TNC: variants seen among roughly 807,000 people sequenced by gnomAD.
TNC encodes the protein tenascin.
In TNC, 109 loss-of-function variants were observed where a neutral mutation model predicts 202.4. The observed-to-expected ratio is 0.54, with a 90% CI of 0.46 to 0.63. TNC has a LOEUF of 0.63. Ranked by LOEUF, TNC falls within the 30% of genes least tolerant of loss-of-function variation. The pLI, the probability that TNC is intolerant of heterozygous loss-of-function variation, is 0.00. For synonymous variants in TNC, 1,007 were observed against 1,089.7 expected (o/e 0.92, Z 1.50); for missense variants, 2,756 against 2,833.3 (o/e 0.97, Z 0.62).
In TNC at chr9:115,086,395, G is replaced by A. The variant is rs771736820; in HGVS notation, c.1336C>T (p.Arg446Trp). 1.2e-5 allele frequency: 19 copies of A among 1,613,874 alleles called. No homozygotes were observed. In the Middle Eastern group the frequency reaches 6.6e-4, roughly 56 times the overall value. ...QLRCPNDCHS[R>W]GRCVEGKCVC... ...CATTTGCCCTCGACACAGCGGCCCC[G>A]ACTGTGACAGTCATTGGGGCACCGT... is the stretch of plus-strand genomic sequence containing the variant. Residue 446 changes from arginine to tryptophan, a missense_variant, in exon 3 of 28, where the codon CGG becomes TGG. Physicochemically the swap from Arg to Trp is moderately radical, Grantham distance 101. This residue lies in a region of TNC where 2,559 missense variants were observed against 2,546.0 expected (regional missense o/e 1.01). Transcript: ENST00000350763.
At chr9:115,047,273 AT>A (rs1415420074) in intron 16 of TNC, among the ~76,000 whole-genome samples, 3 of 45,058 alleles carry the variant, frequency 6.7e-5, no homozygotes, top group Non-Finnish European at 9.9e-5. Context: ...CTTTCTTGTT[AT>A]TTTATTAACT....
At position 115,090,745 on chromosome 9, in the gene TNC, C is replaced by A. The variant is rs750789353; in HGVS notation, c.274G>T (p.Val92Leu). The change falls in exon 2 of 28, where the codon GTG becomes TTG. Residue 92 changes from valine to leucine, a missense_variant. By Grantham distance (32) the Val-to-Leu change is conservative. Coordinates refer to ENST00000350763, the MANE Select transcript of TNC (RefSeq NM_002160.4). ...EPSESFQEHTVDGENQIVFTH... is the reference protein window; with the variant it reads ...EPSESFQEHTLDGENQIVFTH... ...AAGACAATCTGGTTTTCCCCATCCA[C>A]TGTGTGCTCCTGAAAGCTTTCGCTG... 1 of 1,614,244 alleles carries A rather than the reference C, an allele frequency of 6.2e-7. No individual in the cohort carries two copies. Among genetic ancestry groups the A allele is most frequent in the Non-Finnish European group, 8.5e-7 (1 of 1,180,044 alleles).
intron 15 of TNC, among the ~76,000 whole-genome samples, chr9:115,052,139 A>G (rs1831732068): frequency 6.6e-6 from 1 of 151,278 alleles, no homozygotes; most frequent in Non-Finnish European, 1.5e-5. Context: ...AAAAAAGAGG[A>G]AAATTCTGTC....
intron 1 of TNC, among the ~76,000 whole-genome samples, chr9:115,099,686 C>G (rs540915276): frequency 2.6e-5 from 4 of 152,266 alleles, no homozygotes; most frequent in African/African-American, 9.6e-5. Flanking sequence ...AGGCAAAACA[C>G]TCAGTAACAA....
Position 115,090,866 on chromosome 9 carries a change from G to T in TNC, c.153C>A (p.Asn51Lys). ...CTGGCAGCTTGATGTTGTAAACGTGGTTAAACACCACTGGCTGGTTCTCTT... is the reference window on the plus strand; with the variant it reads ...CTGGCAGCTTGATGTTGTAAACGTGTTTAAACACCACTGGCTGGTTCTCTT... ...LPEENQPVVF[N>K]HVYNIKLPVG... Residue 51 changes from asparagine to lysine, a missense_variant, in exon 2 of 28, where the codon AAC (asparagine) becomes AAA (lysine). Coordinates refer to ENST00000350763, the MANE Select transcript of TNC (RefSeq NM_002160.4). The T allele has an allele frequency of 3.1e-6, 5 of 1,614,192 alleles. No homozygotes were observed. The highest frequency in any genetic ancestry group is 4.2e-6 in the Non-Finnish European group (5 of 1,180,036).
chr9:115,086,443 T>G lies in TNC; in HGVS notation c.1288A>C (p.Thr430Pro). ...CGTAGCTGGCTGCAGTCCTCCCCAG[T>G]ATAGCCCTCATCACACACACACTGC... Reference protein sequence around the residue: ...NGQCVCDEGYTGEDCSQLRCP... With the variant: ...NGQCVCDEGYPGEDCSQLRCP... The change falls in exon 3 of 28, where the codon ACT (threonine) becomes CCT (proline). Residue 430 changes from threonine (T) to proline (P), a missense_variant. By Grantham distance (38) the Thr-to-Pro change is conservative. Transcript: ENST00000350763. 6.2e-7 allele frequency: 1 copy of G among 1,613,716 alleles called. No individual in the cohort carries two copies. The highest frequency in any genetic ancestry group is 8.5e-7 in the Non-Finnish European group (1 of 1,179,938).
Position 115,078,189 on chromosome 9 carries a change from C to T in TNC, c.2428G>A (p.Glu810Lys), listed in dbSNP as rs926578150. The T allele has an allele frequency of 5.6e-6, 9 of 1,609,154 alleles. No homozygotes were observed. Among genetic ancestry groups the T allele is most frequent in the Middle Eastern group, 1.7e-4 (1 of 6,046 alleles). ...TTRLDAPSQI[E>K]VKDVTDTTAL... ...GTGGTGTCTGTGACATCTTTCACCT[C>T]GATCTGGCTGGGGGCATCCAAGCCT... The change falls in exon 7 of 28, where the codon GAG becomes AAG. Residue 810 changes from glutamate to lysine, a missense_variant. This residue lies in a region of TNC where 2,559 missense variants were observed against 2,546.0 expected (regional missense o/e 1.01). Transcript: ENST00000350763.
At chr9:115,050,785 A>T (rs534053126) in intron 15 of TNC, among the ~76,000 whole-genome samples, 322 of 152,320 alleles carry the variant, frequency 2.1e-3, no homozygotes, top group Non-Finnish European at 3.6e-3. Context: ...AATCTATGAG[A>T]CAAGGCTCCC....
chr9:115,033,413 C>T (rs78063025), intron 22 of TNC, among the ~76,000 whole-genome samples: 1,646 of 152,226 alleles, frequency 0.011, 10 homozygotes, highest in Non-Finnish European at 0.018. Context: ...GTTCTCTAGG[C>T]TTCTGTGCAA....
rs144817280 is a variant in TNC at position 115,098,252 on chromosome 9, T to C, written c.-136-7098A>G. On this transcript the variant is annotated intron_variant, in intron 1 of 27. Coordinates refer to ENST00000350763, the MANE Select transcript of TNC (RefSeq NM_002160.4). ...AGCATTACTGTGAGATAAAAATTTA[T>C]TTACCAGGTTGGGAAACCAAGGCCA... 2.3e-3 allele frequency among the ~76,000 whole-genome samples: 357 copies of C among 152,340 alleles called. 3 individuals carry two copies. The highest frequency in any genetic ancestry group is 8.2e-3 in the African/African-American group (342 of 41,584).
At chr9:115,089,891 T>C (rs10817710) in intron 2 of TNC, among the ~76,000 whole-genome samples, 13,880 of 152,308 alleles carry the variant, frequency 0.091, 693 homozygotes, top group Middle Eastern at 0.16. Flanking sequence ...GAAGAGGACT[T>C]ATCTTCCCCT....
intron 15 of TNC, among the ~76,000 whole-genome samples, chr9:115,050,085 C>G (rs969117595): frequency 6.6e-6 from 1 of 152,088 alleles, no homozygotes; most frequent in African/African-American, 2.4e-5. Context: ...ACAAGGGTCT[C>G]GAATTCTGTT....
intron 11 of TNC, 130 bp downstream of exon 11, chr9:115,064,517 G>T: frequency 1.7e-6 from 2 of 1,202,504 alleles, no homozygotes; most frequent in Non-Finnish European, 1.2e-6. Context: ...ATGGCCTCGT[G>T]TCACAATTAG....
intron 20 of TNC, 96 bp from the exon 21 acceptor site, chr9:115,036,337 A>G: frequency 7.2e-7 from 1 of 1,388,070 alleles, no homozygotes; most frequent in African/African-American, 1.4e-5. Context: ...TCGAACATCG[A>G]AACTTTCAGT....
chr9:115,068,570 T>C (rs1833124478), intron 10 of TNC, among the ~76,000 whole-genome samples: 1 of 152,186 alleles, frequency 6.6e-6, no homozygotes, highest in South Asian at 2.1e-4. Context: ...ACAATTGAAA[T>C]GAGAAGCCTT....
chr9:115,051,537 CT>C (rs5900117), intron 15 of TNC, among the ~76,000 whole-genome samples: 80,709 of 131,108 alleles, frequency 0.62, 24,144 homozygotes, highest in African/African-American at 0.69. Flanking sequence ...TCTTTTTTTT[CT>C]TTTTTTTTTT....
intron 1 of TNC, among the ~76,000 whole-genome samples, chr9:115,098,858 T>C (rs541203161): frequency 4.6e-5 from 7 of 152,070 alleles, no homozygotes; most frequent in African/African-American, 1.7e-4. Context: ...TCCTCACCCT[T>C]TGTCCTTCCC....
At chr9:115,069,520 C>A (rs73553161) in intron 10 of TNC, among the ~76,000 whole-genome samples, 13,020 of 150,834 alleles carry the variant, frequency 0.086, 696 homozygotes, top group African/African-American at 0.15. Flanking sequence ...GGGAATGATG[C>A]CTGGTACACA....
At chr9:115,088,198 T>A (rs1834945088) in intron 2 of TNC, among the ~76,000 whole-genome samples, 1 of 152,238 alleles carries the variant, frequency 6.6e-6, no homozygotes. Context: ...CTGGGGTATA[T>A]CCGAGTTAAG....
Sources: allele counts gnomAD v4.1 joint callset (sites outside exome capture counted in the v4.1 genomes callset), GRCh38; gene constraint gnomAD v4.1.1; regional missense constraint gnomAD v4.1.1; transcripts MANE v1.5; gene names NCBI Gene and HGNC (gene_info 2026-07-23, HGNC 2026-07-21).